The following PAPPA variants were observed in gnomAD, a reference collection of about 807,000 sequenced individuals.
The protein encoded by PAPPA is pappalysin 1.
A neutral mutation model predicts 164.0 loss-of-function variants in PAPPA; 60 were observed. The observed-to-expected ratio is 0.37, with a 90% CI of 0.30 to 0.45. The LOEUF (loss-of-function observed/expected upper bound fraction) is 0.45. Among genes scored for constraint, PAPPA ranks in the 20% least tolerant of loss-of-function variants. PAPPA has a pLI of 1.00. For synonymous variants in PAPPA, 875 were observed against 814.1 expected (o/e 1.07, Z -1.27); for missense variants, 1,782 against 2,087.3 (o/e 0.85, Z 2.85).
chr9:116,229,646 T>G (rs1844560382), intron 6 of PAPPA, among the ~76,000 whole-genome samples: 1 of 152,118 alleles, frequency 6.6e-6, no homozygotes, highest in Non-Finnish European at 1.5e-5. Context: ...GCAAGGGCAG[T>G]GAGAAAACCA....
chr9:116,249,964 T>A (rs888207382), intron 7 of PAPPA, among the ~76,000 whole-genome samples: 21 of 152,114 alleles, frequency 1.4e-4, no homozygotes, highest in Non-Finnish European at 2.9e-4. Flanking sequence ...TATGCATGTT[T>A]GTATGCATGT....
intron 9 of PAPPA, chr9:116,285,787 G>T (rs1845331705): frequency 6.6e-6 from 1 of 152,168 alleles, no homozygotes; most frequent in Admixed American, 6.5e-5. Flanking sequence ...CAAATAATTT[G>T]CAGTTCAGTA....
At chr9:116,331,525 T>A (rs1209876098) in intron 11 of PAPPA, among the ~76,000 whole-genome samples, 168 bp downstream of exon 11, 4 of 152,212 alleles carry the variant, frequency 2.6e-5, no homozygotes, top group African/African-American at 9.6e-5. Flanking sequence ...GGAATCCTAA[T>A]TGCTCATGGA....
At chr9:116,168,945 C>A (rs1486983616) in intron 1 of PAPPA, among the ~76,000 whole-genome samples, 2 of 152,252 alleles carry the variant, frequency 1.3e-5, no homozygotes, top group South Asian at 4.2e-4. Flanking sequence ...TTACTTCGCA[C>A]AATACTAGTC....
chr9:116,161,065 C>G (rs776640405), intron 1 of PAPPA, among the ~76,000 whole-genome samples: 10 of 152,128 alleles, frequency 6.6e-5, no homozygotes, highest in Admixed American at 2.0e-4. Flanking sequence ...GAGGTCAGAC[C>G]ACAGTGCACG....
chr9:116,363,015 G>A (rs1846449832), intron 18 of PAPPA, among the ~76,000 whole-genome samples: 2 of 152,214 alleles, frequency 1.3e-5, no homozygotes, highest in South Asian at 2.1e-4. Context: ...CACAGGAAGG[G>A]ATGCTTACTT....
chr9:116,389,297 T>A (rs981390657), intron 21 of PAPPA, among the ~76,000 whole-genome samples: 4 of 152,134 alleles, frequency 2.6e-5, no homozygotes, highest in African/African-American at 7.2e-5. Flanking sequence ...CACACCTGGC[T>A]AATTTTTGTA....
intron 13 of PAPPA, among the ~76,000 whole-genome samples, chr9:116,339,913 G>T (rs1421951816): frequency 6.6e-6 from 1 of 152,080 alleles, no homozygotes; most frequent in African/African-American, 2.4e-5. Flanking sequence ...ATCAGATAAG[G>T]TTTTACCTCT....
intron 1 of PAPPA, among the ~76,000 whole-genome samples, chr9:116,180,089 C>T (rs1224996145): frequency 6.6e-6 from 1 of 152,116 alleles, no homozygotes; most frequent in East Asian, 1.9e-4. Flanking sequence ...ACATCTCCCG[C>T]AGGGGGAACC....
intron 21 of PAPPA, among the ~76,000 whole-genome samples, chr9:116,396,068 T>C (rs1442924340): frequency 6.6e-6 from 1 of 152,186 alleles, no homozygotes; most frequent in Non-Finnish European, 1.5e-5. Flanking sequence ...TTATATCAGC[T>C]CTACATAGGG....
chr9:116,371,964 A>G (rs1588024760), intron 19 of PAPPA, among the ~76,000 whole-genome samples: 1 of 152,332 alleles, frequency 6.6e-6, no homozygotes, highest in East Asian at 1.9e-4. Context: ...GCTTATTTGT[A>G]AACTTCATAT....
chr9:116,302,778 T>C lies in PAPPA; in HGVS notation c.2975T>C (p.Phe992Ser). The C allele has an allele frequency of 6.2e-7, 1 of 1,612,786 alleles. No homozygotes were observed. Among genetic ancestry groups the C allele is most frequent in the Non-Finnish European group, 8.5e-7 (1 of 1,179,028 alleles). Residue 992 changes from phenylalanine to serine, a missense_variant, in exon 10 of 22, where the codon TTC becomes TCC. Transcript: ENST00000328252. ...NCIDEPSRCY[F>S]HDGDGVCEEF... is the part of the protein sequence containing the mutation. ...GCAGATGAACCCAGCCGGTGCTATT[T>C]CCATGATGGTGATGGGGTATGTGAG...
At chr9:116,387,451 G>A (rs1846830401) in intron 21 of PAPPA, among the ~76,000 whole-genome samples, 1 of 152,118 alleles carries the variant, frequency 6.6e-6, no homozygotes, top group Admixed American at 6.5e-5. Flanking sequence ...GCTCACTTCA[G>A]CCTCAACCTC....
chr9:116,263,020 G>A (rs532740045), intron 7 of PAPPA, among the ~76,000 whole-genome samples: 195 of 152,244 alleles, frequency 1.3e-3, no homozygotes, highest in Non-Finnish European at 2.1e-3. Flanking sequence ...AGTAACTGCT[G>A]TACCCATCCC....
At chr9:116,251,185 C>T (rs1476128570) in intron 7 of PAPPA, among the ~76,000 whole-genome samples, 1 of 152,180 alleles carries the variant, frequency 6.6e-6, no homozygotes, top group Admixed American at 6.5e-5. Context: ...CATCAAATAG[C>T]TCTTACAAAA....
chr9:116,353,476 C>T (rs891257420), intron 16 of PAPPA, 146 bp from the exon 17 acceptor site: 7 of 669,628 alleles, frequency 1.0e-5, no homozygotes, highest in Middle Eastern at 4.3e-4. Flanking sequence ...TTAATTCCTG[C>T]ACGGGTCCCA....
At chr9:116,312,284 C>CTTTTTTTTTT (rs1845727949) in intron 10 of PAPPA, among the ~76,000 whole-genome samples, 1 of 100,652 alleles carries the variant, frequency 9.9e-6, no homozygotes, top group Non-Finnish European at 2.2e-5. Context: ...TCTTTTCTTT[C>CTTTTTTTTTT]TTTCTTTTTT....
At chr9:116,394,930 A>AGAT (rs1564255264) in intron 21 of PAPPA, among the ~76,000 whole-genome samples, 1 of 152,218 alleles carries the variant, frequency 6.6e-6, no homozygotes. Flanking sequence ...GGAATAAACA[A>AGAT]GATTGACCTG....
chr9:116,154,459 C>A lies in PAPPA; in HGVS notation c.287C>A (p.Ala96Glu), dbSNP rs1843576008. 1.6e-6 allele frequency: 2 copies of A among 1,285,404 alleles called. No individual in the cohort carries two copies. The highest frequency in any genetic ancestry group is 2.0e-6 in the Non-Finnish European group (2 of 1,017,124). The allele number at this position is 1,285,404 out of a possible 1,614,324, so 79.6% of individuals were successfully genotyped here. Residue 96 changes from alanine to glutamate, a missense_variant, in exon 1 of 22, where the codon GCG becomes GAG. Around this residue, in one of 2 missense-constraint regions of PAPPA, gnomAD observed 458 missense variants for 430.3 expected, o/e 1.06. Transcript: ENST00000328252. The surrounding 1 kb of genome is among the most constrained non-coding windows in gnomAD (Gnocchi z 5.2). ...ATEEPSPPSRALYFSGRGEQL... is the reference protein window; with the variant it reads ...ATEEPSPPSRELYFSGRGEQL... ...GAGGAGCCGAGCCCGCCGAGCCGGG[C>A]GCTCTATTTCAGCGGGCGAGGCGAG...
Sources: allele counts gnomAD v4.1 joint callset (sites outside exome capture counted in the v4.1 genomes callset), GRCh38; gene constraint gnomAD v4.1.1; regional missense constraint gnomAD v4.1.1; non-coding constraint Gnocchi (gnomAD v3.1); transcripts MANE v1.5; gene names NCBI Gene and HGNC (gene_info 2026-07-23, HGNC 2026-07-21).